Variants in RSPH14 observed in about 807,000 individuals in gnomAD.
RSPH14 encodes radial spoke head 14 homolog, also known as rhabdoid tumor deletion region gene 1.
A neutral mutation model predicts 26.7 loss-of-function variants in RSPH14; 20 were observed. That is an observed-to-expected ratio of 0.75 (90% CI 0.53 to 1.09). The LOEUF is 1.09. Ranked by LOEUF, RSPH14 falls within the 50% of genes least tolerant of loss-of-function variation. The pLI is 0.00. For missense variants in RSPH14, 449 were observed against 457.2 expected (o/e 0.98, Z 0.16); for synonymous variants, 177 against 189.3 (o/e 0.93, Z 0.53).
At chr22:23,127,122 G>T (rs983710076) in intron 4 of RSPH14, among the ~76,000 whole-genome samples, 3 of 152,218 alleles carry the variant, frequency 2.0e-5, no homozygotes, top group Admixed American at 6.5e-5. Context: ...AGTGGCAACA[G>T]GCCCTGGCAC....
chr22:23,125,855 C>G (rs1163563403), intron 4 of RSPH14, among the ~76,000 whole-genome samples: 2 of 152,156 alleles, frequency 1.3e-5, no homozygotes, highest in African/African-American at 2.4e-5. Context: ...ACAGAACCAC[C>G]CTGCAGCCTC....
chr22:23,177,398 A>G, the RSPH14 span, among the ~76,000 whole-genome samples: 1 of 152,066 alleles, frequency 6.6e-6, no homozygotes, highest in African/African-American at 2.4e-5. Flanking sequence ...CTGGTTCCTC[A>G]TTCCACCAGA....
chr22:23,077,407 T>C (rs553705913), intron 4 of RSPH14, among the ~76,000 whole-genome samples: 1 of 152,256 alleles, frequency 6.6e-6, no homozygotes, highest in South Asian at 2.1e-4. Flanking sequence ...CACTGAAGAA[T>C]GAATAAGTGA....
intron 4 of RSPH14, among the ~76,000 whole-genome samples, chr22:23,092,391 C>T (rs1478201714): frequency 6.6e-6 from 1 of 152,122 alleles, no homozygotes; most frequent in Admixed American, 6.5e-5. Context: ...GGCGCTCATA[C>T]CCCCAAACAC....
chr22:23,140,088 G>A (rs2070562424), intron 2 of RSPH14, 134 bp downstream of exon 2: 5 of 1,069,628 alleles, frequency 4.7e-6, no homozygotes, highest in South Asian at 1.6e-5. Context: ...AAAAGAACCC[G>A]GGCACCGCAC....
In RSPH14 at chr22:23,059,705, G is replaced by A. The variant is rs1433320230; in HGVS notation, c.804C>T (p.Ala268=). The change falls in exon 7 of 7, where the codon GCC becomes GCT. Residue 268 remains alanine (A), a synonymous_variant. Coordinates refer to ENST00000216036, the MANE Select transcript of RSPH14 (RefSeq NM_014433.3). ...ATVITEGKYA[A]LEAQAIGLLL... ...GCAGGCCGATGGCTTGTGCCTCCAG[G>A]GCCGCATACTTCCCTGCAGGCCACC... The A allele has an allele frequency of 6.5e-7, 1 of 1,533,912 alleles. No individual in the cohort carries two copies. The highest frequency in any genetic ancestry group is 1.3e-5 in the South Asian group (1 of 79,676).
At chr22:23,141,465 C>T in intron 1 of RSPH14, among the ~76,000 whole-genome samples, 1 of 152,106 alleles carries the variant, frequency 6.6e-6, no homozygotes, top group East Asian at 1.9e-4. Flanking sequence ...CAAGTTACTT[C>T]CTCTATCTGT....
At chr22:23,134,879 A>G (rs184058971) in intron 3 of RSPH14, among the ~76,000 whole-genome samples, 1 of 152,060 alleles carries the variant, frequency 6.6e-6, no homozygotes, top group Non-Finnish European at 1.5e-5. Context: ...GACAAAAAAA[A>G]GAGATGATTG....
chr22:23,061,891 C>G lies in RSPH14; in HGVS notation c.708G>C (p.Leu236=). The G allele has an allele frequency of 6.2e-7, 1 of 1,614,136 alleles. No homozygotes were observed. The highest frequency in any genetic ancestry group is 8.5e-7 in the Non-Finnish European group (1 of 1,180,024). Residue 236 remains leucine, a synonymous_variant, in exon 6 of 7, where the codon CTG becomes CTC. Transcript: ENST00000216036. ...CCACTGGGTCTTTCAGCAGATGGAC[C>G]AGGATGGGGATGACGTCAAAATGAC... ...QVCHFDVIPI[L]VHLLKDPVEH... is the part of the protein sequence containing the mutation.
At chr22:23,095,605 G>A in intron 4 of RSPH14, 1 of 1,423,096 alleles carries the variant, frequency 7.0e-7, no homozygotes. Flanking sequence ...GGGCAGCTGG[G>A]CTCTTGTCTG....
chr22:23,095,627 T>C lies in RSPH14; in HGVS notation c.422-31494A>G, dbSNP rs947022224. ...TGGGCTCTTGTCTGCCTGGTCTCAG[T>C]GTCCCCTGTGGCAAGAGGGAGAGGT... is the stretch of plus-strand genomic sequence containing the variant. On this transcript the variant is annotated intron_variant, in intron 4 of 6. Transcript: ENST00000216036. 2.4e-5 allele frequency: 37 copies of C among 1,514,108 alleles called. 1 individual carries two copies. The South Asian group carries it at 4.0e-4, about 16-fold the overall frequency. 93.8% of individuals were successfully genotyped at this position (1,514,108 alleles called of 1,614,324 possible).
the RSPH14 span, among the ~76,000 whole-genome samples, chr22:23,179,510 C>T: frequency 1.3e-5 from 2 of 152,306 alleles, no homozygotes; most frequent in East Asian, 1.9e-4. Context: ...TGCAGGTTGG[C>T]CGCCCCCTTA....
chr22:23,138,948 A>T lies in RSPH14; in HGVS notation c.200-6T>A. On this transcript the variant is annotated splice_region_variant and splice_polypyrimidine_tract_variant and intron_variant, in intron 2 of 6. Coordinates refer to ENST00000216036, the MANE Select transcript of RSPH14 (RefSeq NM_014433.3). ...TTTCAGGTTCTCCATACAGCCTAGA[A>T]AAAAAAAAAAAAACAAACAAACCAA... The T allele has an allele frequency of 8.8e-6, 5 of 566,844 alleles. No homozygotes were observed. Among genetic ancestry groups the T allele is most frequent in the Non-Finnish European group, 1.2e-5 (5 of 430,120 alleles). The allele number at this position is 566,844 out of a possible 1,614,324, so 35.1% of individuals were successfully genotyped here.
At chr22:23,110,219 C>A (rs1353471352) in intron 4 of RSPH14, among the ~76,000 whole-genome samples, 1 of 152,138 alleles carries the variant, frequency 6.6e-6, no homozygotes, top group Admixed American at 6.5e-5. Flanking sequence ...AGCCAGGTAA[C>A]CCCTCTGAGC....
chr22:23,152,976 G>C, the RSPH14 span: 2 of 1,256,642 alleles, frequency 1.6e-6, no homozygotes, highest in Admixed American at 1.7e-5. Context: ...TACAAGTGAA[G>C]CTTCCGGGCA....
At chr22:23,098,132 A>C (rs2069178099) in intron 4 of RSPH14, among the ~76,000 whole-genome samples, 1 of 152,172 alleles carries the variant, frequency 6.6e-6, no homozygotes, top group Non-Finnish European at 1.5e-5. Flanking sequence ...CTTGGCTCTT[A>C]CTGGCCTGTG....
intron 4 of RSPH14, among the ~76,000 whole-genome samples, chr22:23,083,978 GTGGTGGGTGGGAGA>G (rs2068746560): frequency 1.3e-5 from 2 of 152,160 alleles, no homozygotes; most frequent in African/African-American, 4.8e-5. Flanking sequence ...CACTGTGAGT[GTGGTGGGTGGGAGA>G]TGCAGCCAGA....
chr22:23,059,749 C>T (rs1436944615), intron 6 of RSPH14, 31 bp from the exon 7 acceptor site: 8 of 1,500,616 alleles, frequency 5.3e-6, no homozygotes, highest in Non-Finnish European at 7.1e-6. Context: ...GCGTTCCAAA[C>T]AGCCCAAGGG....
At chr22:23,146,148 T>C, upstream of RSPH14, 1 of 385,838 alleles carries the variant, frequency 2.6e-6, no homozygotes. Context: ...GCCTGCTGTA[T>C]GCAGATTGAG....
Sources: allele counts gnomAD v4.1 joint callset (sites outside exome capture counted in the v4.1 genomes callset), GRCh38; gene constraint gnomAD v4.1.1; transcripts MANE v1.5; gene names NCBI Gene and HGNC (gene_info 2026-07-23, HGNC 2026-07-21).